FMO4: variants seen among roughly 807,000 people sequenced by gnomAD.
The protein encoded by FMO4 is dimethylaniline monooxygenase [N-oxide-forming] 4.
Under a neutral mutation model 43.3 loss-of-function variants are expected in FMO4, and 38 were observed. That is an observed-to-expected ratio of 0.88 (90% CI 0.68 to 1.15). FMO4 has a LOEUF of 1.15. Among genes scored for constraint, FMO4 ranks in the 50% most tolerant of loss-of-function variants. The pLI is 0.00. For synonymous variants in FMO4, 224 were observed against 232.2 expected (o/e 0.96, Z 0.32); for missense variants, 631 against 663.3 (o/e 0.95, Z 0.54).
At chr1:171,324,968 C>T (rs1662595445) in intron 5 of FMO4, among the ~76,000 whole-genome samples, 1 of 152,102 alleles carries the variant, frequency 6.6e-6, no homozygotes, top group Admixed American at 6.6e-5. Context: ...ATTATCTGGG[C>T]ATGATGGCTC....
At chr1:171,318,323 A>G (rs1263207246) in intron 2 of FMO4, among the ~76,000 whole-genome samples, 3 of 151,150 alleles carry the variant, frequency 2.0e-5, no homozygotes, top group Admixed American at 2.0e-4. Flanking sequence ...TCAAAATAAT[A>G]ATAATAATAA....
At chr1:171,337,127 T>C (rs761761470) in intron 8 of FMO4, among the ~76,000 whole-genome samples, 56 of 152,130 alleles carry the variant, frequency 3.7e-4, no homozygotes, top group Non-Finnish European at 5.0e-4. Flanking sequence ...AGCTGGGCCA[T>C]AGAGGCATCT....
Position 171,331,735 on chromosome 1 carries a change from A to G in FMO4, c.580A>G (p.Asn194Asp). The stretch of plus-strand genomic sequence containing the variant: ...ACGCGTCTTGGTGATTGGTCTTGGG[A>G]ACACTGGAGGAGACATTGCTGTGGA... ...GKRVLVIGLG[N>D]TGGDIAVELS... Residue 194 changes from asparagine to aspartate, a missense_variant, in exon 6 of 10, where the codon AAC becomes GAC. Physicochemically the swap from Asn to Asp is conservative, Grantham distance 23. Coordinates refer to ENST00000367749, the MANE Select transcript of FMO4 (RefSeq NM_002022.3). 6.2e-7 allele frequency: 1 copy of G among 1,614,008 alleles called. No individual in the cohort carries two copies. Among genetic ancestry groups the G allele is most frequent in the Non-Finnish European group, 8.5e-7 (1 of 1,179,890 alleles).
intron 3 of FMO4, 74 bp downstream of exon 3, chr1:171,320,031 T>A: frequency 6.4e-7 from 1 of 1,553,514 alleles, no homozygotes; most frequent in Non-Finnish European, 8.8e-7. Context: ...GGCTTTAGCC[T>A]GCCTTGGTGA....
At position 171,331,692 on chromosome 1, in the gene FMO4, A is replaced by G. The variant is rs1444143540; in HGVS notation, c.537A>G (p.Pro179=). ...QILHSQEYKI[P]EGFQGKRVLV... ...TGCATAGTCAAGAGTACAAGATCCC[A>G]GAAGGCTTTCAGGGCAAACGCGTCT... is the stretch of plus-strand genomic sequence containing the variant. Residue 179 remains proline (P), a synonymous_variant, in exon 6 of 10, where the codon CCA becomes CCG. Transcript: ENST00000367749. The G allele has an allele frequency of 6.2e-7, 1 of 1,613,288 alleles. No individual in the cohort carries two copies. The highest frequency in any genetic ancestry group is 1.3e-5 in the African/African-American group (1 of 74,902).
intron 5 of FMO4, among the ~76,000 whole-genome samples, chr1:171,328,959 T>C (rs540175531): frequency 6.6e-6 from 1 of 152,330 alleles, no homozygotes; most frequent in South Asian, 2.1e-4. Context: ...TAAAATGTCC[T>C]GTTCAGGCAA....
Position 171,331,790 on chromosome 1 carries a change from A to G in FMO4, c.627+8A>G, listed in dbSNP as rs1662911450. 2 of 1,613,248 alleles carry G rather than the reference A, an allele frequency of 1.2e-6. No homozygotes were observed. The highest frequency in any genetic ancestry group is 1.3e-5 in the African/African-American group (1 of 74,996). The stretch of plus-strand genomic sequence containing the variant: ...AGTCGAACGGCAGCTCAGGTACATC[A>G]TCTCTGAATTAATGCCCCTAATCCC... On this transcript the variant is annotated splice_region_variant and intron_variant, in intron 6 of 9. Coordinates refer to ENST00000367749, the MANE Select transcript of FMO4 (RefSeq NM_002022.3).
At chr1:171,317,361 A>G (rs1182695432) in intron 2 of FMO4, among the ~76,000 whole-genome samples, 3 of 152,172 alleles carry the variant, frequency 2.0e-5, no homozygotes, top group African/African-American at 7.2e-5. Flanking sequence ...AGTTATATAT[A>G]TTTCATAAAA....
chr1:171,321,376 G>T (rs1388228766), intron 3 of FMO4, among the ~76,000 whole-genome samples: 1 of 152,030 alleles, frequency 6.6e-6, no homozygotes, highest in African/African-American at 2.4e-5. Flanking sequence ...TTTTGCTGTG[G>T]ATACCAAAAT....
Position 171,324,125 on chromosome 1 carries a change from CTT to C in FMO4, c.322-11_322-10del, listed in dbSNP as rs746841315. 1.4e-5 allele frequency: 23 copies of C among 1,600,870 alleles called. No homozygotes were observed. The highest frequency in any genetic ancestry group is 1.9e-5 in the Non-Finnish European group (22 of 1,174,068). ...GTGTTAGTGAGAAGTGAGTGTTTGT[CTT>C]TCACTTTTAGACCACTGTGTGCAGC... On this transcript the variant is annotated splice_polypyrimidine_tract_variant and intron_variant, in intron 4 of 9. Transcript: ENST00000367749.
chr1:171,336,317 C>T (rs1257729069), intron 8 of FMO4, among the ~76,000 whole-genome samples: 1 of 151,896 alleles, frequency 6.6e-6, no homozygotes, highest in Non-Finnish European at 1.5e-5. Flanking sequence ...TATGGGTGTT[C>T]TAGGAACCCA....
intron 7 of FMO4, 122 bp from the exon 8 acceptor site, chr1:171,334,289 G>C (rs1663019618): frequency 7.9e-6 from 5 of 629,046 alleles, no homozygotes; most frequent in South Asian, 2.1e-5. Flanking sequence ...CTTTGAATTA[G>C]ACATTGGTTA....
rs966263601 is a variant in FMO4 at position 171,331,860 on chromosome 1, G to A, written c.627+78G>A. The A allele has an allele frequency of 6.8e-6, 9 of 1,321,474 alleles. No individual in the cohort carries two copies. In the African/African-American group the frequency reaches 7.3e-5, roughly 11 times the overall value. 81.9% of individuals were successfully genotyped at this position (1,321,474 alleles called of 1,614,324 possible). A position where few individuals can be genotyped will look rare whatever the true frequency, so the allele number is the denominator to read the frequency against. On this transcript the variant is annotated intron_variant, in intron 6 of 9. Transcript: ENST00000367749. ...GGAAAGAGATATTCAAAACTATGAA[G>A]TACATTGGCCAATTGCTAAATTATG...
Position 171,337,443 on chromosome 1 carries a change from C to T in FMO4, c.1250+18C>T, listed in dbSNP as rs35591720. ...ATTAAAAGGTATGAAATGTAGCTTG[C>T]TCTAGGGCAAACTTACAGTATATTC... On this transcript the variant is annotated intron_variant, in intron 9 of 9. Transcript: ENST00000367749. 33,861 of 1,552,260 alleles carry T rather than the reference C, an allele frequency of 0.022. 472 individuals are homozygous for T. Among genetic ancestry groups the T allele is most frequent in the Non-Finnish European group, 0.027 (30,138 of 1,123,902 alleles).
intron 2 of FMO4, 86 bp from the exon 3 acceptor site, chr1:171,319,732 T>C (rs1304732255): frequency 6.0e-6 from 7 of 1,163,120 alleles, no homozygotes; most frequent in South Asian, 2.7e-5. Flanking sequence ...AAGGCATATA[T>C]AGCACTACAA....
chr1:171,320,388 G>A (rs1662364224), intron 3 of FMO4, among the ~76,000 whole-genome samples: 1 of 152,154 alleles, frequency 6.6e-6, no homozygotes, highest in South Asian at 2.1e-4. Flanking sequence ...AGGTCTTTAG[G>A]AACAGAACTG....
intron 5 of FMO4, among the ~76,000 whole-genome samples, chr1:171,326,758 A>G (rs1172750159): frequency 6.6e-6 from 1 of 152,188 alleles, no homozygotes; most frequent in Non-Finnish European, 1.5e-5. Flanking sequence ...TCAAGAGGCA[A>G]TTATTTAACT....
chr1:171,341,666 G>T lies in FMO4; in HGVS notation c.1504G>T (p.Val502Phe). The T allele has an allele frequency of 6.2e-7, 1 of 1,613,846 alleles. No individual in the cohort carries two copies. The highest frequency in any genetic ancestry group is 8.5e-7 in the Non-Finnish European group (1 of 1,179,962). The change falls in exon 10 of 10, where the codon GTC becomes TTC. Residue 502 changes from valine (V) to phenylalanine (F), a missense_variant. By Grantham distance (50) the Val-to-Phe change is conservative. Transcript: ENST00000367749. ...RTLKPLKTRI[V>F]PDSSKPASMS... is the part of the protein sequence containing the mutation. ...ATTGAAACCTTTAAAAACTCGAATT[G>T]TCCCTGATTCCTCCAAGCCTGCCTC...
chr1:171,327,735 T>G (rs1452729251), intron 5 of FMO4, among the ~76,000 whole-genome samples: 34 of 152,052 alleles, frequency 2.2e-4, no homozygotes, highest in Non-Finnish European at 1.2e-4. Context: ...GGCAATATGG[T>G]GAAACCCTGT....
Sources: gnomAD v4.1 joint callset for allele counts (sites outside exome capture counted in the v4.1 genomes callset) on GRCh38, gnomAD v4.1.1 for gene constraint, MANE v1.5 for transcripts, NCBI Gene and HGNC (gene_info 2026-07-23, HGNC 2026-07-21) for gene names.